The following TENM2 variants were observed in gnomAD, a reference collection of about 807,000 sequenced individuals.
TENM2 encodes teneurin transmembrane protein 2, also known as teneurin-2.
TENM2 carries 52 observed loss-of-function variants against 245.2 expected under a neutral mutation model. The observed-to-expected ratio is 0.21, with a 90% CI of 0.17 to 0.27. TENM2 has a LOEUF of 0.27. TENM2 is among the 10% of genes least tolerant of loss of function. The pLI, the probability that TENM2 is intolerant of heterozygous loss-of-function variation, is 1.00. For synonymous variants in TENM2, 1,363 were observed against 1,438.9 expected, an observed-to-expected ratio of 0.95 and a Z score of 1.19; for missense variants, 3,046 against 3,666.8, an observed-to-expected ratio of 0.83 and a Z score of 4.37.
intron 2 of TENM2, among the ~76,000 whole-genome samples, chr5:167,734,508 T>C (rs1561718828): frequency 1.3e-5 from 2 of 148,480 alleles, no homozygotes; most frequent in East Asian, 1.9e-4. Flanking sequence ...ATAAATAATA[T>C]ATAATAAATA....
intron 19 of TENM2, among the ~76,000 whole-genome samples, chr5:168,207,242 A>G (rs1268820079): frequency 1.3e-5 from 2 of 152,154 alleles, no homozygotes; most frequent in East Asian, 1.9e-4. Flanking sequence ...CCTGGCCCAC[A>G]CTAGGTGCTC....
chr5:167,767,941 A>G (rs1302375117), intron 2 of TENM2, among the ~76,000 whole-genome samples: 1 of 152,192 alleles, frequency 6.6e-6, no homozygotes, highest in African/African-American at 2.4e-5. Context: ...TATGGGAGCT[A>G]TTGCTGTTGA....
At chr5:167,959,418 A>AT (rs1403588543) in intron 4 of TENM2, among the ~76,000 whole-genome samples, 6 of 151,978 alleles carry the variant, frequency 3.9e-5, no homozygotes, top group Admixed American at 3.9e-4. Flanking sequence ...GATGGTCTTG[A>AT]TCTTGTGTTC....
intron 2 of TENM2, among the ~76,000 whole-genome samples, chr5:167,627,131 G>T (rs2127782798): frequency 6.6e-6 from 1 of 152,254 alleles, no homozygotes; most frequent in East Asian, 1.9e-4. Flanking sequence ...TGGAGGGGAG[G>T]ACTGTTAAAA....
chr5:167,801,428 G>T (rs963181617), intron 2 of TENM2, among the ~76,000 whole-genome samples: 4 of 151,880 alleles, frequency 2.6e-5, no homozygotes, highest in Non-Finnish European at 5.9e-5. Context: ...AACAGTCAGT[G>T]GAGAATGCCA....
the TENM2 span, among the ~76,000 whole-genome samples, chr5:167,184,178 G>A: frequency 1.3e-5 from 2 of 152,172 alleles, no homozygotes; most frequent in Middle Eastern, 3.2e-3. Flanking sequence ...TGAATTCTTA[G>A]CTCGGAATAT....
chr5:166,994,527 T>A, the TENM2 span, among the ~76,000 whole-genome samples: 1 of 152,212 alleles, frequency 6.6e-6, no homozygotes, highest in Non-Finnish European at 1.5e-5. Flanking sequence ...GCAGCCCCTA[T>A]GTCAAACTCT....
At chr5:168,010,213 G>C (rs1316441655) in intron 5 of TENM2, among the ~76,000 whole-genome samples, 1 of 152,188 alleles carries the variant, frequency 6.6e-6, no homozygotes, top group Non-Finnish European at 1.5e-5. Flanking sequence ...ATAATCATAG[G>C]ATAGCTATAG....
chr5:168,076,042 A>G (rs1373375327), intron 7 of TENM2, among the ~76,000 whole-genome samples: 1 of 152,208 alleles, frequency 6.6e-6, no homozygotes, highest in Admixed American at 6.5e-5. Context: ...GGGTGAGGAC[A>G]CAGCCAAACC....
intron 2 of TENM2, 148 bp from the exon 5 acceptor site, chr5:167,875,838 C>A: frequency 3.2e-6 from 2 of 616,714 alleles, no homozygotes; most frequent in Non-Finnish European, 2.8e-6. Context: ...AACATCAAAC[C>A]ACTCTTTTAA....
chr5:167,453,563 ACTCAGTTTCTT>A (rs907005674), intron 2 of TENM2, among the ~76,000 whole-genome samples: 2 of 152,026 alleles, frequency 1.3e-5, no homozygotes, highest in South Asian at 2.1e-4. Flanking sequence ...CCTTTTCTTG[ACTCAGTTTCTT>A]CATTTTTAAG....
intron 4 of TENM2, among the ~76,000 whole-genome samples, chr5:167,960,534 AC>A (rs536716603): frequency 1.1e-3 from 163 of 151,232 alleles, no homozygotes; most frequent in African/African-American, 3.7e-3. Context: ...GTAATAGTGG[AC>A]CCCCCCTCCC....
At chr5:167,419,038 A>C (rs1763332122) in intron 2 of TENM2, among the ~76,000 whole-genome samples, 1 of 152,128 alleles carries the variant, frequency 6.6e-6, no homozygotes, top group African/African-American at 2.4e-5. Flanking sequence ...CTAAACTTAA[A>C]ATTATGTATA....
intron 2 of TENM2, among the ~76,000 whole-genome samples, chr5:167,767,269 T>C (rs1393382585): frequency 6.6e-6 from 1 of 152,224 alleles, no homozygotes; most frequent in East Asian, 1.9e-4. Flanking sequence ...ACCTTGACGA[T>C]ATTATGCCAA....
chr5:167,235,041 A>C, the TENM2 span, among the ~76,000 whole-genome samples: 1 of 152,212 alleles, frequency 6.6e-6, no homozygotes, highest in African/African-American at 2.4e-5. Flanking sequence ...GCTTAAAAAC[A>C]GTAGGAATGT....
chr5:167,092,177 A>T, the TENM2 span, among the ~76,000 whole-genome samples: 1 of 152,166 alleles, frequency 6.6e-6, no homozygotes, highest in African/African-American at 2.4e-5. Context: ...GGTTGAAAAA[A>T]ATCTAAAGAA....
chr5:167,962,193 C>A (rs1347192385), intron 4 of TENM2, among the ~76,000 whole-genome samples: 1 of 151,872 alleles, frequency 6.6e-6, no homozygotes, highest in Non-Finnish European at 1.5e-5. Context: ...TGGCTTTTCT[C>A]CAAGGATTAG....
the TENM2 span, among the ~76,000 whole-genome samples, chr5:167,160,257 C>T: frequency 6.6e-6 from 1 of 152,216 alleles, no homozygotes; most frequent in Admixed American, 6.5e-5. Context: ...AACGCCAAGC[C>T]AGCATCCTTT....
intron 1 of TENM2, among the ~76,000 whole-genome samples, chr5:167,355,601 G>A (rs1031317696): frequency 1.3e-5 from 2 of 152,130 alleles, no homozygotes; most frequent in Admixed American, 6.5e-5. Flanking sequence ...CTCATGAGCC[G>A]CGAGGGAGCA....
Sources: gnomAD v4.1 joint callset for allele counts (sites outside exome capture counted in the v4.1 genomes callset) on GRCh38, gnomAD v4.1.1 for gene constraint, MANE v1.5 for transcripts, NCBI Gene and HGNC (gene_info 2026-07-23, HGNC 2026-07-21) for gene names.